The following TRIM5 variants were observed in gnomAD, a reference collection of about 807,000 sequenced individuals.
TRIM5 encodes the protein tripartite motif-containing protein 5.
A neutral mutation model predicts 35.6 loss-of-function variants in TRIM5; 31 were observed. That is an observed-to-expected ratio of 0.87 (90% CI 0.65 to 1.18). TRIM5 has a LOEUF of 1.18. TRIM5 is among the 50% of genes most tolerant of loss of function. The pLI is 0.00. For missense variants in TRIM5, 609 were observed against 591.6 expected (o/e 1.03, Z -0.31); for synonymous variants, 243 against 215.6 (o/e 1.13, Z -1.11).
chr11:5,612,317 T>G, the TRIM5 span: 1 of 152,240 alleles, frequency 6.6e-6, no homozygotes, highest in Non-Finnish European at 1.5e-5. Flanking sequence ...AATGATAATT[T>G]GGGTAGCTTC....
the TRIM5 span, among the ~76,000 whole-genome samples, chr11:5,591,465 A>G: frequency 2.0e-5 from 3 of 152,208 alleles, no homozygotes; most frequent in East Asian, 1.9e-4. Flanking sequence ...CCTGACCAAC[A>G]TGGAGAAACC....
chr11:5,656,063 C>T, the TRIM5 span, among the ~76,000 whole-genome samples: 1 of 152,076 alleles, frequency 6.6e-6, no homozygotes, highest in Non-Finnish European at 1.5e-5. Flanking sequence ...AGAAGAAAAC[C>T]TAGGCAATAC....
chr11:5,648,393 C>T, the TRIM5 span, among the ~76,000 whole-genome samples: 5 of 152,004 alleles, frequency 3.3e-5, no homozygotes, highest in Non-Finnish European at 5.9e-5. Flanking sequence ...GTAATCCCAG[C>T]TACTCAGTTG....
chr11:5,604,870 C>T, the TRIM5 span: 2 of 475,650 alleles, frequency 4.2e-6, no homozygotes, highest in South Asian at 6.5e-5. Context: ...TAGGGGTCGC[C>T]CCAATTCATA....
At chr11:5,656,610 T>A in the TRIM5 span, among the ~76,000 whole-genome samples, 2 of 151,960 alleles carry the variant, frequency 1.3e-5, no homozygotes, top group Non-Finnish European at 2.9e-5. Context: ...CACCTCGGCC[T>A]CCCAAAGTAC....
At chr11:5,603,216 G>C in the TRIM5 span, 1 of 1,599,016 alleles carries the variant, frequency 6.3e-7, no homozygotes, top group Non-Finnish European at 8.5e-7. Context: ...TTCTTACCCT[G>C]ATCCTTTTTT....
the TRIM5 span, chr11:5,643,114 C>CATATAT: frequency 0.036 from 17,538 of 489,372 alleles, 306 homozygotes; most frequent in Admixed American, 0.2. Flanking sequence ...TATTCATATA[C>CATATAT]ATATATATAT....
the TRIM5 span, chr11:5,634,515 AC>A: frequency 1.8e-6 from 1 of 560,360 alleles, no homozygotes; most frequent in Non-Finnish European, 2.8e-6. Flanking sequence ...ACACACACAC[AC>A]ACACACACAC....
At position 5,664,815 on chromosome 11, in the gene TRIM5, G is replaced by T. The variant is rs1018945226; in HGVS notation, c.1476C>A (p.Ser492Arg). The T allele has an allele frequency of 3.3e-5, 52 of 1,588,308 alleles. No individual in the cohort carries two copies. Among genetic ancestry groups the T allele is most frequent in the Non-Finnish European group, 4.4e-5 (51 of 1,169,690 alleles). ...GCTGAGTGTGTAAGAAGGTTCAAGA[G>T]CTTGGTGAGCACAGAGTCATGGGGA... is the stretch of plus-strand genomic sequence containing the variant. ...CGVPMTLCSP[S>R]S Residue 492 changes from serine (S) to arginine (R), a missense_variant, in exon 8 of 8, where the codon AGC becomes AGA. Physicochemically the swap from Ser to Arg is moderately radical, Grantham distance 110 (BLOSUM62 -1). Coordinates refer to ENST00000380034, the MANE Select transcript of TRIM5 (RefSeq NM_033034.3).
the TRIM5 span, chr11:5,610,047 G>A: frequency 8.0e-7 from 1 of 1,257,644 alleles, no homozygotes; most frequent in Non-Finnish European, 1.1e-6. Context: ...CAGAAAGGAG[G>A]ATTGGAATTC....
chr11:5,637,336 C>T, the TRIM5 span, among the ~76,000 whole-genome samples: 47,084 of 152,000 alleles, frequency 0.31, 8,221 homozygotes, highest in East Asian at 0.62. Flanking sequence ...GGGACTGATA[C>T]TCATTTCGTA....
At chr11:5,646,123 G>A in the TRIM5 span, among the ~76,000 whole-genome samples, 507 of 147,692 alleles carry the variant, frequency 3.4e-3, 2 homozygotes, top group African/African-American at 0.011. Context: ...ATATACACAC[G>A]TACACACACA....
At chr11:5,603,220 C>CTTTT in the TRIM5 span, 1 of 1,601,010 alleles carries the variant, frequency 6.2e-7, no homozygotes. Context: ...TACCCTGATC[C>CTTTT]TTTTTTTGTT....
intron 1 of TRIM5, among the ~76,000 whole-genome samples, chr11:5,682,845 G>A (rs1157706447): frequency 3.3e-5 from 5 of 151,966 alleles, no homozygotes; most frequent in South Asian, 2.1e-4. Context: ...CCACTTTGGC[G>A]GCACTTGAGG....
the TRIM5 span, chr11:5,596,704 G>C: frequency 1.2e-6 from 1 of 809,410 alleles, no homozygotes; most frequent in Non-Finnish European, 2.0e-6. Flanking sequence ...AACGGCCAAA[G>C]GCTGGCGGAG....
At chr11:5,657,311 T>C in the TRIM5 span, among the ~76,000 whole-genome samples, 3 of 151,498 alleles carry the variant, frequency 2.0e-5, 1 homozygote, top group Admixed American at 2.0e-4. Flanking sequence ...GGGCCTTCGA[T>C]GGGTGGGGGA....
the TRIM5 span, chr11:5,633,757 A>G: frequency 3.2e-6 from 5 of 1,572,436 alleles, no homozygotes; most frequent in Admixed American, 5.8e-5. Context: ...CTATCCAGAT[A>G]CTAAGAAAGC....
the TRIM5 span, among the ~76,000 whole-genome samples, chr11:5,627,480 T>C: frequency 6.6e-6 from 1 of 152,130 alleles, no homozygotes; most frequent in Non-Finnish European, 1.5e-5. Context: ...GTTGAGGTGG[T>C]TGGAAACTAA....
At chr11:5,658,175 G>A in the TRIM5 span, among the ~76,000 whole-genome samples, 1 of 152,162 alleles carries the variant, frequency 6.6e-6, no homozygotes, top group African/African-American at 2.4e-5. Context: ...ACAAGCAACT[G>A]AATGTTAAGA....
Sources: gnomAD v4.1 joint callset for allele counts (sites outside exome capture counted in the v4.1 genomes callset) on GRCh38, gnomAD v4.1.1 for gene constraint, MANE v1.5 for transcripts, NCBI Gene and HGNC (gene_info 2026-07-23, HGNC 2026-07-21) for gene names.